CNTN5: variants seen among roughly 807,000 people sequenced by gnomAD.
CNTN5 encodes the protein contactin 5.
CNTN5 carries 77 observed loss-of-function variants against 129.1 expected under a neutral mutation model. The ratio of observed to expected loss-of-function variants is 0.60; its 90% CI spans 0.50 to 0.72. The LOEUF is 0.72. Ranked by LOEUF, CNTN5 falls within the 30% of genes least tolerant of loss-of-function variation. The probability of loss-of-function intolerance (pLI) is 0.00; values close to 1 mark genes in which losing one functional copy is unlikely to be tolerated. For missense variants in CNTN5, 1,478 were observed against 1,328.8 expected (o/e 1.11, Z -1.75); for synonymous variants, 509 against 465.6 (o/e 1.09, Z -1.20).
At chr11:100,179,411 G>T (rs1948070061) in intron 13 of CNTN5, among the ~76,000 whole-genome samples, 1 of 152,058 alleles carries the variant, frequency 6.6e-6, no homozygotes, top group African/African-American at 2.4e-5. Context: ...CTCTACTCCT[G>T]ACATAAGCAT....
chr11:99,665,491 T>A (rs2135930095), intron 3 of CNTN5, among the ~76,000 whole-genome samples: 1 of 143,042 alleles, frequency 7.0e-6, no homozygotes, highest in African/African-American at 2.6e-5. Flanking sequence ...TTTTTTTTTT[T>A]TTTTTTTTTT....
At chr11:100,327,130 G>T (rs974766050) in intron 21 of CNTN5, among the ~76,000 whole-genome samples, 1 of 152,210 alleles carries the variant, frequency 6.6e-6, no homozygotes, top group Non-Finnish European at 1.5e-5. Context: ...ACTTGATACC[G>T]CTGTGTGTAT....
chr11:99,393,868 A>G (rs1053107841), intron 2 of CNTN5, among the ~76,000 whole-genome samples: 2 of 151,782 alleles, frequency 1.3e-5, no homozygotes, highest in African/African-American at 4.8e-5. Flanking sequence ...GGCACACACT[A>G]AATTGTAAGA....
intron 3 of CNTN5, among the ~76,000 whole-genome samples, chr11:99,727,333 A>AAAAAAAAAAAAAAAAAAAAAAAAAC: frequency 7.0e-6 from 1 of 143,596 alleles, no homozygotes; most frequent in Non-Finnish European, 1.5e-5. Context: ...AAAAAAAAAA[A>AAAAAAAAAAAAAAAAAAAAAAAAAC]ATTCCAGGGC....
intron 2 of CNTN5, among the ~76,000 whole-genome samples, chr11:99,393,500 C>A (rs2136192805): frequency 6.6e-6 from 1 of 151,816 alleles, no homozygotes; most frequent in East Asian, 1.9e-4. Flanking sequence ...GAAATCAAGG[C>A]AAAGGGAGCT....
At chr11:99,154,987 G>T (rs1411845280) in intron 1 of CNTN5, among the ~76,000 whole-genome samples, 2 of 152,176 alleles carry the variant, frequency 1.3e-5, no homozygotes, top group East Asian at 3.9e-4. Context: ...TCAGGCTGGA[G>T]TTCTGATTCT....
intron 1 of CNTN5, among the ~76,000 whole-genome samples, chr11:99,136,645 C>T (rs912535591): frequency 6.6e-6 from 1 of 152,058 alleles, no homozygotes; most frequent in Non-Finnish European, 1.5e-5. Flanking sequence ...CTTTTATGTA[C>T]ACACATCTCC....
intron 9 of CNTN5, among the ~76,000 whole-genome samples, chr11:100,040,580 G>A (rs1029983461): frequency 5.9e-5 from 9 of 152,228 alleles, no homozygotes; most frequent in Non-Finnish European, 1.0e-4. Context: ...GGAGCCTACA[G>A]AGGCAGGCAG....
At chr11:99,769,402 T>C (rs1407948388) in intron 3 of CNTN5, among the ~76,000 whole-genome samples, 3 of 152,176 alleles carry the variant, frequency 2.0e-5, no homozygotes, top group Non-Finnish European at 2.9e-5. Context: ...CTTAGTTACT[T>C]TTTTCTTATT....
intron 1 of CNTN5, among the ~76,000 whole-genome samples, chr11:99,033,552 T>C (rs921975417): frequency 1.4e-4 from 21 of 152,286 alleles, no homozygotes; most frequent in African/African-American, 4.8e-4. Context: ...AGTTCACTCA[T>C]GAATTGGCTC....
At chr11:99,398,313 A>G (rs1187007511) in intron 2 of CNTN5, among the ~76,000 whole-genome samples, 5 of 151,950 alleles carry the variant, frequency 3.3e-5, no homozygotes, top group Non-Finnish European at 5.9e-5. Context: ...TTTATTCTAT[A>G]CATTTGTAAT....
At chr11:99,192,510 T>C (rs1702814982) in intron 1 of CNTN5, among the ~76,000 whole-genome samples, 1 of 151,950 alleles carries the variant, frequency 6.6e-6, no homozygotes. Context: ...TCACCATACT[T>C]AAATGTATAA....
intron 8 of CNTN5, among the ~76,000 whole-genome samples, chr11:99,963,032 G>A (rs1232894089): frequency 6.6e-6 from 1 of 152,014 alleles, no homozygotes; most frequent in African/African-American, 2.4e-5. Context: ...AAATTTGTTT[G>A]AGTTCATTGT....
At chr11:100,342,466 GTGTA>G (rs1167376499) in intron 23 of CNTN5, among the ~76,000 whole-genome samples, 1 of 152,088 alleles carries the variant, frequency 6.6e-6, no homozygotes, top group African/African-American at 2.4e-5. Context: ...CCAGATAAAC[GTGTA>G]TGGTCAAGTG....
At chr11:99,363,138 C>A (rs796916730) in intron 2 of CNTN5, among the ~76,000 whole-genome samples, 19 of 152,068 alleles carry the variant, frequency 1.2e-4, no homozygotes, top group African/African-American at 4.6e-4. Context: ...TATTTTCTTC[C>A]AATCCATGAA....
rs541621282 is a variant in CNTN5, at chr11:99,475,362, A to G, written c.-70-80783A>G. Among the ~76,000 whole-genome samples, 137 of 152,292 alleles carry G rather than the reference A, an allele frequency of 9.0e-4. 1 individual carries two copies. The highest frequency in any genetic ancestry group is 3.2e-3 in the African/African-American group (135 of 41,564). ...CCCAGCCTCTAGAACTGTACAAAATAAATCTTTATTCTTTAAAAATTACTC... is the reference window on the plus strand; with the variant it reads ...CCCAGCCTCTAGAACTGTACAAAATGAATCTTTATTCTTTAAAAATTACTC... On this transcript the variant is annotated intron_variant, in intron 2 of 24. Coordinates refer to ENST00000524871, the MANE Select transcript of CNTN5 (RefSeq NM_014361.4).
rs116829832 is a variant in CNTN5, at chr11:99,658,399, G to T, written c.55+102130G>T. On this transcript the variant is annotated intron_variant, in intron 3 of 24. Coordinates refer to ENST00000524871, the MANE Select transcript of CNTN5 (RefSeq NM_014361.4). ...AGAAATGCTTCGTGTAGGCTGTCTGGAGAATATAAAATTAGAACTAAAATT... is the reference window on the plus strand; with the variant it reads ...AGAAATGCTTCGTGTAGGCTGTCTGTAGAATATAAAATTAGAACTAAAATT... Among the ~76,000 whole-genome samples, 879 of 152,124 alleles carry T rather than the reference G, an allele frequency of 5.8e-3. 11 individuals carry two copies. The highest frequency in any genetic ancestry group is 0.021 in the African/African-American group (851 of 41,486).
chr11:99,486,092 G>A (rs1050834706), intron 2 of CNTN5, among the ~76,000 whole-genome samples: 1 of 151,954 alleles, frequency 6.6e-6, no homozygotes, highest in South Asian at 2.1e-4. Flanking sequence ...CGTTGAGGAA[G>A]TATTTTAGTT....
At chr11:99,895,062 A>T (rs1195741674) in intron 6 of CNTN5, among the ~76,000 whole-genome samples, 1 of 152,248 alleles carries the variant, frequency 6.6e-6, no homozygotes, top group Admixed American at 6.5e-5. Flanking sequence ...CATTTGAATT[A>T]TATAACCCCA....
Sources: allele counts gnomAD v4.1 joint callset (sites outside exome capture counted in the v4.1 genomes callset), GRCh38; gene constraint gnomAD v4.1.1; transcripts MANE v1.5; gene names NCBI Gene and HGNC (gene_info 2026-07-23, HGNC 2026-07-21).